TTLL6: variants seen among roughly 807,000 people sequenced by gnomAD.
TTLL6 encodes the protein tubulin polyglutamylase TTLL6.
TTLL6 carries 75 observed loss-of-function variants against 96.4 expected under a neutral mutation model. That is an observed-to-expected ratio of 0.78 (90% CI 0.65 to 0.94). The LOEUF (loss-of-function observed/expected upper bound fraction) is 0.94, where lower values mean the gene tolerates loss of function less well. TTLL6 is among the 40% of genes least tolerant of loss of function. The pLI, the probability that TTLL6 is intolerant of heterozygous loss-of-function variation, is 0.00. For missense variants in TTLL6, 1,030 were observed against 1,093.0 expected (o/e 0.94, Z 0.81); for synonymous variants, 411 against 419.4 (o/e 0.98, Z 0.24).
At chr17:48,766,633 G>A (rs989935251) in intron 15 of TTLL6, among the ~76,000 whole-genome samples, 4 of 152,194 alleles carry the variant, frequency 2.6e-5, no homozygotes, top group Non-Finnish European at 4.4e-5. Context: ...GGAGGCCGAG[G>A]TGGGTGAATT....
intron 1 of TTLL6, among the ~76,000 whole-genome samples, chr17:48,812,418 G>A (rs781711916): frequency 1.3e-5 from 2 of 152,180 alleles, no homozygotes; most frequent in Non-Finnish European, 2.9e-5. Flanking sequence ...CTCAGATTTC[G>A]AAGTCTCTGT....
chr17:48,782,756 C>G (rs1272070604), intron 13 of TTLL6, among the ~76,000 whole-genome samples: 2 of 151,960 alleles, frequency 1.3e-5, no homozygotes, highest in African/African-American at 4.8e-5. Context: ...CTCTGTCACC[C>G]AGGCTGGAGT....
At chr17:48,763,572 G>A (rs1232755316) in intron 15 of TTLL6, among the ~76,000 whole-genome samples, 2 of 152,106 alleles carry the variant, frequency 1.3e-5, no homozygotes, top group South Asian at 2.1e-4. Flanking sequence ...TGAGGCAGGT[G>A]GATCACTTGA....
intron 4 of TTLL6, 26 bp from the exon 5 acceptor site, chr17:48,801,411 G>A: frequency 6.4e-7 from 1 of 1,551,602 alleles, no homozygotes; most frequent in Non-Finnish European, 8.7e-7. Flanking sequence ...GAATTCATGA[G>A]CAATCGAGGG....
In TTLL6 at chr17:48,762,714, C is replaced by G. The variant is rs1411126451; in HGVS notation, c.*260G>C. 3 of 273,174 alleles carry G rather than the reference C, an allele frequency of 1.1e-5. No homozygotes were observed. 16.9% of individuals were successfully genotyped at this position (273,174 alleles called of 1,614,324 possible). On this transcript the variant is annotated 3_prime_UTR_variant, in exon 16 of 16. Coordinates refer to ENST00000393382, the MANE Select transcript of TTLL6 (RefSeq NM_001130918.3). Reference sequence around the variant, plus strand: ...CAGAGAAGTGCCACTGGTACGGCAACTGGAGTGTGTCCTGGGGCAGCACCA... The same window carrying G: ...CAGAGAAGTGCCACTGGTACGGCAAGTGGAGTGTGTCCTGGGGCAGCACCA...
rs764214963 is a variant in TTLL6, at chr17:48,787,764, C to CAA, written c.1589+45_1589+46dup. 3 of 1,561,740 alleles carry CAA rather than the reference C, an allele frequency of 1.9e-6. No homozygotes were observed. The African/African-American group carries it at 4.1e-5, about 21-fold the overall frequency. On this transcript the variant is annotated intron_variant, in intron 11 of 15. Transcript: ENST00000393382. ...GGCCAGTCAGCCAATAGATCACACA[C>CAA]AATCCCCAGAACCCCTCCACCGACC...
chr17:48,804,864 G>A lies in TTLL6; in HGVS notation c.231C>T (p.Thr77=), dbSNP rs1567735328. 3.9e-6 allele frequency: 6 copies of A among 1,552,250 alleles called. No homozygotes were observed. The highest frequency in any genetic ancestry group is 2.4e-5 in the East Asian group (1 of 40,924). ...TCTCTCTCACAAAAGCCAGCGCGACGGTTTCTTTTGGATCTTCTTTGGAAC... is the reference window on the plus strand; with the variant it reads ...TCTCTCTCACAAAAGCCAGCGCGACAGTTTCTTTTGGATCTTCTTTGGAAC... The part of the protein sequence containing the change: ...GDSSKEDPKE[T]VALAFVRENP... Residue 77 remains threonine, a synonymous_variant, in exon 2 of 16, where the codon ACC becomes ACT. Coordinates refer to ENST00000393382, the MANE Select transcript of TTLL6 (RefSeq NM_001130918.3).
At chr17:48,797,866 G>A (rs1483581253) in intron 6 of TTLL6, among the ~76,000 whole-genome samples, 1 of 151,338 alleles carries the variant, frequency 6.6e-6, no homozygotes, top group African/African-American at 2.4e-5. Flanking sequence ...TACTTTGGGA[G>A]GCCGAAGAGG....
At chr17:48,790,173 G>A (rs1041508808) in intron 9 of TTLL6, 67 bp from the exon 10 acceptor site, 4 of 1,565,470 alleles carry the variant, frequency 2.6e-6, no homozygotes, top group Middle Eastern at 2.0e-4. Flanking sequence ...TGAGGCCGAG[G>A]TGCCACCTCC....
chr17:48,803,080 A>G (rs2143453429), intron 3 of TTLL6, among the ~76,000 whole-genome samples: 1 of 149,110 alleles, frequency 6.7e-6, no homozygotes, highest in African/African-American at 2.5e-5. Context: ...TGAGGCAAGA[A>G]AATCGCTTGA....
chr17:48,769,322 A>G, intron 14 of TTLL6, 68 bp from the exon 15 acceptor site: 1 of 1,519,268 alleles, frequency 6.6e-7, no homozygotes, highest in South Asian at 1.3e-5. Flanking sequence ...CCTGGTGAAG[A>G]CCACCTCCCA....
intron 12 of TTLL6, 60 bp downstream of exon 12, chr17:48,786,104 C>A (rs996668355): frequency 8.7e-6 from 14 of 1,604,380 alleles, no homozygotes; most frequent in African/African-American, 1.3e-5. Flanking sequence ...CACCCCTCCA[C>A]GGATCAGGCC....
Position 48,796,081 on chromosome 17 carries a change from A to G in TTLL6, c.978T>C (p.Asp326=), listed in dbSNP as rs2143407218. 1 of 1,551,526 alleles carries G rather than the reference A, an allele frequency of 6.4e-7. No individual in the cohort carries two copies. Among genetic ancestry groups the G allele is most frequent in the Non-Finnish European group, 8.7e-7 (1 of 1,146,854 alleles). ...INKHSSNFSR[D]AHSGSKRKLS... ...CTTACCTCTTACTGCCAGAGTGTGC[A>G]TCTCGACTGAAATTTGAACTGTGCT... Residue 326 remains aspartate, a synonymous_variant, in exon 8 of 16, where the codon GAT becomes GAC. Transcript: ENST00000393382.
rs1187592564 is a variant in TTLL6, at chr17:48,787,984, CT to C, written c.1415del (p.Lys472ArgfsTer8). ...TCTTTAACTGCACGGCCCGGAAACCCTTGGCTTCCTCAATCCTGTTGGGAAG... is the reference window on the plus strand; with the variant it reads ...TCTTTAACTGCACGGCCCGGAAACCCTGGCTTCCTCAATCCTGTTGGGAAG... Reference protein sequence around the residue: ...CSREMRIEEAKGFRAVQLKKT... With the variant: ...CSREMRIEEAXGFRAVQLKKT... On this transcript the variant is annotated frameshift_variant, in exon 11 of 16. Coordinates refer to ENST00000393382, the MANE Select transcript of TTLL6 (RefSeq NM_001130918.3). LOFTEE classifies it high-confidence loss of function. 23 of 1,613,736 alleles carry C rather than the reference CT, an allele frequency of 1.4e-5. No individual in the cohort carries two copies. The highest frequency in any genetic ancestry group is 1.9e-5 in the Non-Finnish European group (23 of 1,179,912).
At chr17:48,801,682 G>T in intron 3 of TTLL6, 39 bp from the exon 4 acceptor site, 1 of 1,510,716 alleles carries the variant, frequency 6.6e-7, no homozygotes, top group Non-Finnish European at 9.0e-7. Context: ...CAGGAAGTGG[G>T]GGAGGAGTAT....
Position 48,801,603 on chromosome 17 carries a change from C to T in TTLL6, c.402G>A (p.Gly134=), listed in dbSNP as rs2039415839. ...AATAGAGAGTCCAGTCATCGTCTTCCCCTCCCTCTCTAAAGCCGTACTGTT... is the reference window on the plus strand; with the variant it reads ...AATAGAGAGTCCAGTCATCGTCTTCTCCTCCCTCTCTAAAGCCGTACTGTT... ...AAQQYGFREG[G]EDDDWTLYWT... Residue 134 remains glycine, a synonymous_variant, in exon 4 of 16, where the codon GGG becomes GGA. Coordinates refer to ENST00000393382, the MANE Select transcript of TTLL6 (RefSeq NM_001130918.3). 1.3e-6 allele frequency: 2 copies of T among 1,551,758 alleles called. No homozygotes were observed. Among genetic ancestry groups the T allele is most frequent in the East Asian group, 4.9e-5 (2 of 40,918 alleles).
intron 1 of TTLL6, among the ~76,000 whole-genome samples, chr17:48,815,051 T>C (rs1442219546): frequency 6.6e-6 from 1 of 152,174 alleles, no homozygotes; most frequent in Non-Finnish European, 1.5e-5. Flanking sequence ...GTGCTGGGAT[T>C]ACAAGCATGA....
rs1435261566 is a variant in TTLL6, at chr17:48,804,617, G to A, written c.323+155C>T. On this transcript the variant is annotated intron_variant, in intron 2 of 15. Coordinates refer to ENST00000393382, the MANE Select transcript of TTLL6 (RefSeq NM_001130918.3). ...TCTATAAAACAGATCATCGAAAGTA[G>A]ATTCTTTTTATATGAACCAAAAGTG... 1.6e-5 allele frequency: 11 copies of A among 685,424 alleles called. No individual in the cohort carries two copies. In the East Asian group the frequency reaches 2.7e-4, roughly 17 times the overall value. 42.5% of individuals were successfully genotyped at this position (685,424 alleles called of 1,614,324 possible).
At chr17:48,774,325 A>T (rs1314015884) in intron 13 of TTLL6, among the ~76,000 whole-genome samples, 1 of 137,654 alleles carries the variant, frequency 7.3e-6, no homozygotes, top group East Asian at 2.2e-4. Flanking sequence ...TGCCACGCCC[A>T]GCTAATTTTT....
Sources: gnomAD v4.1 joint callset for allele counts (sites outside exome capture counted in the v4.1 genomes callset) on GRCh38, gnomAD v4.1.1 for gene constraint, MANE v1.5 for transcripts, NCBI Gene and HGNC (gene_info 2026-07-23, HGNC 2026-07-21) for gene names.